The following PACSIN1 variants were observed in gnomAD, a reference collection of about 807,000 sequenced individuals.
PACSIN1 encodes the protein protein kinase C and casein kinase substrate in neurons protein 1.
PACSIN1 carries 15 observed loss-of-function variants against 59.5 expected under a neutral mutation model. That is an observed-to-expected ratio of 0.25 (90% CI 0.17 to 0.39). The LOEUF (loss-of-function observed/expected upper bound fraction) is 0.39. Ranked by LOEUF, PACSIN1 falls within the 10% of genes least tolerant of loss-of-function variation. The pLI is 1.00. For synonymous variants in PACSIN1, 210 were observed against 220.6 expected (o/e 0.95, Z 0.42); for missense variants, 420 against 580.2 (o/e 0.72, Z 2.84).
chr6:34,480,913 CT>C (rs559455518), intron 1 of PACSIN1, among the ~76,000 whole-genome samples: 362 of 137,480 alleles, frequency 2.6e-3, no homozygotes, highest in South Asian at 3.5e-3. Context: ...GACTTTTTTT[CT>C]TTTTTTTTTT....
intron 1 of PACSIN1, among the ~76,000 whole-genome samples, chr6:34,475,157 T>C (rs528274141): frequency 3.3e-5 from 5 of 152,290 alleles, no homozygotes; most frequent in African/African-American, 1.2e-4. Context: ...TCTGTCCCCC[T>C]TACCTGCCCA....
At chr6:34,479,738 G>A (rs1766689042) in intron 1 of PACSIN1, among the ~76,000 whole-genome samples, 1 of 151,942 alleles carries the variant, frequency 6.6e-6, no homozygotes, top group African/African-American at 2.4e-5. Flanking sequence ...TTACAGGCAG[G>A]AGCCACCACA....
intron 1 of PACSIN1, among the ~76,000 whole-genome samples, chr6:34,503,036 AT>A (rs1767048448): frequency 6.6e-6 from 1 of 152,146 alleles, no homozygotes; most frequent in Non-Finnish European, 1.5e-5. Flanking sequence ...GGGGCACTGC[AT>A]TTGGAATCCA....
chr6:34,489,302 T>C (rs1202987288), intron 1 of PACSIN1, among the ~76,000 whole-genome samples: 1 of 152,148 alleles, frequency 6.6e-6, no homozygotes. Flanking sequence ...GTGAGAATAC[T>C]TAAAATCTAT....
chr6:34,523,852 C>T lies in PACSIN1; in HGVS notation c.-63-2391C>T, dbSNP rs544576979. Among the ~76,000 whole-genome samples the T allele has an allele frequency of 5.2e-4, 79 of 152,308 alleles. 1 individual carries two copies. The highest frequency in any genetic ancestry group is 1.7e-3 in the Admixed American group (26 of 15,300). On this transcript the variant is annotated intron_variant, in intron 1 of 9. Transcript: ENST00000244458. The stretch of plus-strand genomic sequence containing the variant: ...TGATACGGGGGTCCACATGCTGTCT[C>T]CTGGCTCTTCTTCCTGAGCCCACCA...
At chr6:34,485,865 G>T (rs895736064) in intron 1 of PACSIN1, among the ~76,000 whole-genome samples, 1 of 152,186 alleles carries the variant, frequency 6.6e-6, no homozygotes, top group Non-Finnish European at 1.5e-5. Flanking sequence ...GTCAGCAGTG[G>T]CTGGGGAGGG....
intron 1 of PACSIN1, among the ~76,000 whole-genome samples, chr6:34,499,665 G>A (rs925690065): frequency 2.0e-5 from 3 of 151,692 alleles, no homozygotes; most frequent in Non-Finnish European, 2.9e-5. Flanking sequence ...GCATGGTGAC[G>A]GGCACCTGTA....
rs903135941 is a variant in PACSIN1 at position 34,500,167 on chromosome 6, A to T, written c.-63-26076A>T. Among the ~76,000 whole-genome samples the T allele has an allele frequency of 2.0e-5, 3 of 152,248 alleles. No individual in the cohort carries two copies. In the East Asian group the frequency reaches 5.8e-4, roughly 29 times the overall value. ...CAGGAAAAGATGTTCAACATCTCTG[A>T]TCATTAGGGAAATGCAAATAAAAAA... On this transcript the variant is annotated intron_variant, in intron 1 of 9. Coordinates refer to ENST00000244458, the MANE Select transcript of PACSIN1 (RefSeq NM_020804.5).
Position 34,526,327 on chromosome 6 carries a change from G to T in PACSIN1, c.22G>T (p.Ala8Ser). Reference protein sequence around the residue: MSSSYDEASLAPEETTDS... With the variant: MSSSYDESSLAPEETTDS... ...CACCATGTCCAGCTCCTACGATGAG[G>T]CCTCACTGGCGCCAGAGGAGACCAC... The change falls in exon 2 of 10, where the codon GCC becomes TCC. Residue 8 changes from alanine (A) to serine (S), a missense_variant. Transcript: ENST00000244458. 6.2e-7 allele frequency: 1 copy of T among 1,612,288 alleles called. No homozygotes were observed. Among genetic ancestry groups the T allele is most frequent in the Non-Finnish European group, 8.5e-7 (1 of 1,179,904 alleles).
At chr6:34,507,341 G>C (rs4711394) in intron 1 of PACSIN1, among the ~76,000 whole-genome samples, 55,926 of 151,832 alleles carry the variant, frequency 0.37, 11,462 homozygotes, top group Middle Eastern at 0.51. Flanking sequence ...TCTTCTCTCT[G>C]CCTTTAAGAG....
At chr6:34,477,262 G>A (rs1306741663) in intron 1 of PACSIN1, among the ~76,000 whole-genome samples, 4 of 151,988 alleles carry the variant, frequency 2.6e-5, no homozygotes, top group African/African-American at 4.8e-5. Context: ...AGGCCAAAGC[G>A]GGAGGATTGC....
chr6:34,531,885 G>C lies in PACSIN1; in HGVS notation c.1225+98G>C. 1.7e-6 allele frequency: 2 copies of C among 1,186,564 alleles called. No homozygotes were observed. Among genetic ancestry groups the C allele is most frequent in the Admixed American group, 2.4e-5 (1 of 41,854 alleles). 73.5% of individuals were successfully genotyped at this position (1,186,564 alleles called of 1,614,324 possible). ...GTGCCTGAGAGAGAAGCTTGGGTCT[G>C]GATTGGGTGTGTGGTGGTGCAGGGG... On this transcript the variant is annotated intron_variant, in intron 9 of 9. Coordinates refer to ENST00000244458, the MANE Select transcript of PACSIN1 (RefSeq NM_020804.5). The surrounding 1 kb of genome is among the most constrained non-coding windows in gnomAD (Gnocchi z 4.4).
chr6:34,521,318 T>G lies in PACSIN1; in HGVS notation c.-63-4925T>G, dbSNP rs933319824. On this transcript the variant is annotated intron_variant, in intron 1 of 9. Coordinates refer to ENST00000244458, the MANE Select transcript of PACSIN1 (RefSeq NM_020804.5). The surrounding 1 kb of genome is among the most constrained non-coding windows in gnomAD (Gnocchi z 4.3). ...TCCCAGGCCTGTGATTGGTGACCAC[T>G]GAGGTAGGAATCCACACGGCGCCTT... 6.6e-6 allele frequency among the ~76,000 whole-genome samples: 1 copy of G among 152,086 alleles called. No homozygotes were observed. The highest frequency in any genetic ancestry group is 1.9e-4 in the East Asian group (1 of 5,172).
rs753705849 is a variant in PACSIN1 at position 34,516,483 on chromosome 6, G to T, written c.-63-9760G>T. On this transcript the variant is annotated intron_variant, in intron 1 of 9. Transcript: ENST00000244458. This position sits in a 1 kb window ranked among gnomAD's most constrained non-coding sequence, Gnocchi z 5.4. ...CCGCACTCTCCTCCTTCCTGACCAG[G>T]GTGGGAGCTGATATCTGCCCTGCCT... Among the ~76,000 whole-genome samples the T allele has an allele frequency of 1.3e-5, 2 of 152,208 alleles. No individual in the cohort carries two copies. The highest frequency in any genetic ancestry group is 2.4e-5 in the African/African-American group (1 of 41,452).
intron 1 of PACSIN1, among the ~76,000 whole-genome samples, chr6:34,491,001 G>A (rs560774627): frequency 6.6e-6 from 1 of 151,952 alleles, no homozygotes; most frequent in African/African-American, 2.4e-5. Flanking sequence ...TCGAGCAGGG[G>A]GAGTGCTCGC....
chr6:34,513,095 T>G (rs1026966587), intron 1 of PACSIN1, among the ~76,000 whole-genome samples: 13 of 152,198 alleles, frequency 8.5e-5, no homozygotes, highest in African/African-American at 3.1e-4. Context: ...TCTCAGTGTC[T>G]AGAACCATCT....
Position 34,521,503 on chromosome 6 carries a change from C to T in PACSIN1, c.-63-4740C>T, listed in dbSNP as rs1221776976. ...TGGGCCTGAGGAGAGATGCCCTCCA[C>T]GCTGGGGCTCCTTTGTCACTGAGGC... On this transcript the variant is annotated intron_variant, in intron 1 of 9. Coordinates refer to ENST00000244458, the MANE Select transcript of PACSIN1 (RefSeq NM_020804.5). This position sits in a 1 kb window ranked among gnomAD's most constrained non-coding sequence, Gnocchi z 4.3. Among the ~76,000 whole-genome samples, 4 of 152,176 alleles carry T rather than the reference C, an allele frequency of 2.6e-5. No individual in the cohort carries two copies. Among genetic ancestry groups the T allele is most frequent in the East Asian group, 1.9e-4 (1 of 5,200 alleles).
chr6:34,499,588 G>A (rs561312627), intron 1 of PACSIN1, among the ~76,000 whole-genome samples: 1 of 152,238 alleles, frequency 6.6e-6, no homozygotes, highest in African/African-American at 2.4e-5. Context: ...GAGGTCAGGA[G>A]TTTGAGACCA....
Position 34,516,111 on chromosome 6 carries a change from G to T in PACSIN1, c.-63-10132G>T, listed in dbSNP as rs1418008138. Among the ~76,000 whole-genome samples the T allele has an allele frequency of 1.3e-5, 2 of 152,160 alleles. No individual in the cohort carries two copies. Among genetic ancestry groups the T allele is most frequent in the African/African-American group, 4.8e-5 (2 of 41,436 alleles). On this transcript the variant is annotated intron_variant, in intron 1 of 9. Transcript: ENST00000244458. This position sits in a 1 kb window ranked among gnomAD's most constrained non-coding sequence, Gnocchi z 5.4. Reference sequence around the variant, plus strand: ...CAACTATGGGCGTGCTTAAGGTCCTGCCCTTCTCCACCTGCTTTCTCTCCC... The same window carrying T: ...CAACTATGGGCGTGCTTAAGGTCCTTCCCTTCTCCACCTGCTTTCTCTCCC...
Sources: gnomAD v4.1 joint callset for allele counts (sites outside exome capture counted in the v4.1 genomes callset) on GRCh38, gnomAD v4.1.1 for gene constraint, Gnocchi (gnomAD v3.1) non-coding constraint, MANE v1.5 for transcripts, NCBI Gene and HGNC (gene_info 2026-07-23, HGNC 2026-07-21) for gene names.